TGFBR3: variants seen among roughly 807,000 people sequenced by gnomAD.
TGFBR3 encodes transforming growth factor beta receptor type 3.
Under a neutral mutation model 87.9 loss-of-function variants are expected in TGFBR3, and 46 were observed. The ratio of observed to expected loss-of-function variants is 0.52; its 90% CI spans 0.41 to 0.67. The LOEUF is 0.67. TGFBR3 is among the 30% of genes least tolerant of loss of function. TGFBR3 has a pLI of 0.00. For missense variants in TGFBR3, 866 were observed against 1,041.9 expected, an observed-to-expected ratio of 0.83 and a Z score of 2.32; for synonymous variants, 381 against 391.6, an observed-to-expected ratio of 0.97 and a Z score of 0.32.
At chr1:91,883,285 G>A (rs971337060) in intron 1 of TGFBR3, among the ~76,000 whole-genome samples, 1 of 152,202 alleles carries the variant, frequency 6.6e-6, no homozygotes. Context: ...AATTACAGGT[G>A]TGAGCCACTG....
intron 6 of TGFBR3, 141 bp downstream of exon 6, chr1:91,729,664 C>T (rs1672692065): frequency 1.1e-6 from 1 of 951,570 alleles, no homozygotes; most frequent in East Asian, 2.4e-5. Context: ...TGGCTACCTT[C>T]CCTCCTGCGT....
chr1:91,754,955 CAAACCATCCA>C (rs1387221028), intron 4 of TGFBR3: 1 of 152,086 alleles, frequency 6.6e-6, no homozygotes, highest in East Asian at 1.9e-4. Flanking sequence ...GACAGAAATG[CAAACCATCCA>C]GCAGCATATC....
intron 4 of TGFBR3, among the ~76,000 whole-genome samples, chr1:91,737,926 G>A (rs1027946771): frequency 1.3e-5 from 2 of 152,118 alleles, no homozygotes; most frequent in African/African-American, 4.8e-5. Flanking sequence ...CATTATTCTG[G>A]GTATTTTGGT....
intron 16 of TGFBR3, chr1:91,695,469 C>A: frequency 1.7e-6 from 1 of 585,084 alleles, no homozygotes; most frequent in Non-Finnish European, 3.1e-6. Flanking sequence ...GCAATTAGCA[C>A]AGTTTAAACC....
intron 3 of TGFBR3, among the ~76,000 whole-genome samples, chr1:91,795,909 C>G (rs1675364744): frequency 6.6e-6 from 1 of 152,188 alleles, no homozygotes; most frequent in Non-Finnish European, 1.5e-5. Context: ...TGAGCCAACT[C>G]TGCACACGTT....
chr1:91,804,241 A>T (rs1275012998), intron 2 of TGFBR3, among the ~76,000 whole-genome samples: 6 of 152,256 alleles, frequency 3.9e-5, no homozygotes, highest in African/African-American at 1.2e-4. Flanking sequence ...CTAAGAATCA[A>T]GTCCCAGTTG....
At chr1:91,691,834 T>C (rs1484317589) in intron 16 of TGFBR3, among the ~76,000 whole-genome samples, 2 of 152,040 alleles carry the variant, frequency 1.3e-5, no homozygotes, top group African/African-American at 2.4e-5. Flanking sequence ...AAAAGGAGAT[T>C]GAGACAGCTG....
chr1:91,772,865 T>G (rs575521691), intron 3 of TGFBR3, among the ~76,000 whole-genome samples: 1 of 152,304 alleles, frequency 6.6e-6, no homozygotes, highest in African/African-American at 2.4e-5. Context: ...TCTCTCTCAT[T>G]CTTTTCAAAG....
intron 4 of TGFBR3, among the ~76,000 whole-genome samples, chr1:91,752,854 C>A (rs1673598537): frequency 6.6e-6 from 1 of 151,340 alleles, no homozygotes; most frequent in African/African-American, 2.4e-5. Context: ...GAAACCCCAT[C>A]TTTACAAAAA....
chr1:91,889,669 T>TTTTC (rs201222376), upstream of TGFBR3, among the ~76,000 whole-genome samples: 1,192 of 152,158 alleles, frequency 7.8e-3, 12 homozygotes, highest in African/African-American at 0.027. Context: ...CCCCTACCTC[T>TTTTC]TTTCTTTCTT....
chr1:91,886,220 C>T (rs1185756789), upstream of TGFBR3: 3 of 449,242 alleles, frequency 6.7e-6, no homozygotes, highest in Non-Finnish European at 1.3e-5. Context: ...GGGCAGGACG[C>T]CACAGCAATC....
chr1:91,868,817 C>G (rs534295920), intron 1 of TGFBR3, among the ~76,000 whole-genome samples: 1 of 152,292 alleles, frequency 6.6e-6, no homozygotes, highest in East Asian at 1.9e-4. Context: ...AACGCTGTCT[C>G]TACAAAAAAT....
At chr1:91,684,683 A>T (rs928496805) in intron 16 of TGFBR3, among the ~76,000 whole-genome samples, 3 of 152,206 alleles carry the variant, frequency 2.0e-5, no homozygotes, top group African/African-American at 7.2e-5. Context: ...GTTTGCATTT[A>T]ACAGTGCAAA....
At chr1:91,793,891 GC>G (rs1675281658) in intron 3 of TGFBR3, among the ~76,000 whole-genome samples, 1 of 151,022 alleles carries the variant, frequency 6.6e-6, no homozygotes, top group South Asian at 2.1e-4. Flanking sequence ...AAACAGATCA[GC>G]TGTTATTTTT....
chr1:91,799,372 A>C (rs1373571843), intron 2 of TGFBR3, among the ~76,000 whole-genome samples: 1 of 152,222 alleles, frequency 6.6e-6, no homozygotes, highest in African/African-American at 2.4e-5. Context: ...AACAGGAGGT[A>C]CTGACTGTAA....
intron 2 of TGFBR3, among the ~76,000 whole-genome samples, chr1:91,850,737 C>T (rs765823452): frequency 2.1e-5 from 3 of 144,146 alleles, no homozygotes; most frequent in Non-Finnish European, 3.0e-5. Flanking sequence ...GCCAAGACTG[C>T]ACTACTGCAC....
intron 1 of TGFBR3, among the ~76,000 whole-genome samples, chr1:91,877,658 A>G (rs1050201051): frequency 1.3e-5 from 2 of 152,222 alleles, no homozygotes; most frequent in African/African-American, 4.8e-5. Context: ...AAATATGGAA[A>G]AATGTGAAAT....
At chr1:91,730,938 A>C (rs533737113) in intron 5 of TGFBR3, among the ~76,000 whole-genome samples, 13 of 152,380 alleles carry the variant, frequency 8.5e-5, no homozygotes, top group African/African-American at 3.1e-4. Flanking sequence ...TGCAAGTACC[A>C]GAATCTGAAG....
intron 3 of TGFBR3, among the ~76,000 whole-genome samples, chr1:91,780,551 CTT>C (rs60294904): frequency 4.7e-4 from 36 of 77,162 alleles, no homozygotes; most frequent in South Asian, 1.2e-3. Context: ...GGGTCTAAGG[CTT>C]TTTTTTTTTT....
Sources: gnomAD v4.1 joint callset for allele counts (sites outside exome capture counted in the v4.1 genomes callset) on GRCh38, gnomAD v4.1.1 for gene constraint, MANE v1.5 for transcripts, NCBI Gene and HGNC (gene_info 2026-07-23, HGNC 2026-07-21) for gene names.